IFT88: variants seen among roughly 807,000 people sequenced by gnomAD.
IFT88 encodes the protein intraflagellar transport 88, also known as intraflagellar transport protein 88 homolog.
A neutral mutation model predicts 119.5 loss-of-function variants in IFT88; 74 were observed. That is an observed-to-expected ratio of 0.62 (90% CI 0.51 to 0.75). The LOEUF is 0.75. Among genes scored for constraint, IFT88 ranks in the 30% least tolerant of loss-of-function variants. The pLI, the probability that IFT88 is intolerant of heterozygous loss-of-function variation, is 0.00. For synonymous variants in IFT88, 279 were observed against 316.7 expected (o/e 0.88, Z 1.26); for missense variants, 961 against 977.7 (o/e 0.98, Z 0.23).
intron 2 of IFT88, among the ~76,000 whole-genome samples, chr13:20,581,800 C>T (rs2038715736): frequency 6.7e-6 from 1 of 148,386 alleles, no homozygotes; most frequent in Admixed American, 6.8e-5. Flanking sequence ...CTGCGGTGAG[C>T]TGTGATCGCA....
chr13:20,687,717 G>A (rs1306609512), intron 24 of IFT88, among the ~76,000 whole-genome samples: 2 of 143,016 alleles, frequency 1.4e-5, no homozygotes, highest in African/African-American at 2.7e-5. Flanking sequence ...GATATGTTGC[G>A]TGTTAAAAAA....
intron 15 of IFT88, among the ~76,000 whole-genome samples, chr13:20,627,114 G>T (rs2047467722): frequency 6.6e-6 from 1 of 152,160 alleles, no homozygotes; most frequent in African/African-American, 2.4e-5. Flanking sequence ...CCATGGGGTG[G>T]TTCCATTGCA....
At chr13:20,647,021 G>C (rs1402983995) in intron 20 of IFT88, among the ~76,000 whole-genome samples, 1 of 152,086 alleles carries the variant, frequency 6.6e-6, no homozygotes, top group Non-Finnish European at 1.5e-5. Flanking sequence ...TGTGTGATAT[G>C]AGCACTGCTC....
intron 14 of IFT88, among the ~76,000 whole-genome samples, chr13:20,624,152 T>C (rs1207437639): frequency 6.6e-6 from 1 of 152,212 alleles, no homozygotes; most frequent in Admixed American, 6.5e-5. Context: ...AAAGAACATG[T>C]ATTCTGCTGT....
intron 1 of IFT88, among the ~76,000 whole-genome samples, chr13:20,572,321 C>T (rs908717864): frequency 1.2e-4 from 19 of 152,084 alleles, no homozygotes; most frequent in Middle Eastern, 3.4e-3. Flanking sequence ...TGGGTTCAAG[C>T]GATTCTCGTG....
rs1458987021 is a variant in IFT88 at position 20,597,637 on chromosome 13, G to A, written c.594+518G>A. Among the ~76,000 whole-genome samples, 10 of 151,896 alleles carry A rather than the reference G, an allele frequency of 6.6e-5. No homozygotes were observed. The East Asian group carries it at 1.6e-3, about 24-fold the overall frequency. The stretch of plus-strand genomic sequence containing the variant: ...CGGGCGCCTGTAGTCCCAGCTACTT[G>A]GGAGGCTGGAGCAGGAGAATGGCGT... On this transcript the variant is annotated intron_variant, in intron 9 of 25. Transcript: ENST00000351808.
chr13:20,674,806 C>T (rs1350613708), intron 24 of IFT88, among the ~76,000 whole-genome samples: 2 of 146,248 alleles, frequency 1.4e-5, no homozygotes, highest in Admixed American at 6.9e-5. Context: ...CTCCACCTCC[C>T]GGGTTCACAC....
chr13:20,670,472 G>A (rs1355851323), intron 23 of IFT88, among the ~76,000 whole-genome samples: 2 of 149,936 alleles, frequency 1.3e-5, no homozygotes, highest in Non-Finnish European at 3.0e-5. Context: ...TCTTTTGTGA[G>A]GTTTTAATCA....
At chr13:20,611,112 A>G (rs1478760756) in intron 13 of IFT88, among the ~76,000 whole-genome samples, 1 of 151,516 alleles carries the variant, frequency 6.6e-6, no homozygotes, top group African/African-American at 2.4e-5. Flanking sequence ...AATAATTAAT[A>G]ATAATAATAT....
intron 20 of IFT88, among the ~76,000 whole-genome samples, chr13:20,652,906 G>A (rs774873119): frequency 7.2e-5 from 11 of 152,170 alleles, no homozygotes; most frequent in South Asian, 6.2e-4. Context: ...TCTAGCAAAT[G>A]CAGGGGATAC....
chr13:20,605,997 G>A (rs1354258507), intron 13 of IFT88, among the ~76,000 whole-genome samples: 2 of 132,570 alleles, frequency 1.5e-5, no homozygotes. Flanking sequence ...GTCATTTAGG[G>A]TTTATATGTA....
chr13:20,579,577 G>A (rs1371598573), intron 2 of IFT88, among the ~76,000 whole-genome samples: 1 of 152,208 alleles, frequency 6.6e-6, no homozygotes, highest in Non-Finnish European at 1.5e-5. Flanking sequence ...GGTAGGTCCA[G>A]AAATGCTACC....
At chr13:20,598,505 C>A in intron 9 of IFT88, 146 bp from the exon 10 acceptor site, 1 of 485,580 alleles carries the variant, frequency 2.1e-6, no homozygotes. Context: ...CAAGATAATT[C>A]TTTTGTTTAC....
chr13:20,674,722 A>ATTTTTTT (rs1296479140), intron 24 of IFT88, among the ~76,000 whole-genome samples: 3 of 42,690 alleles, frequency 7.0e-5, no homozygotes, highest in East Asian at 3.9e-4. Context: ...ATATATATAT[A>ATTTTTTT]TATTTTTTTT....
chr13:20,673,809 C>T (rs1327858327), intron 24 of IFT88, among the ~76,000 whole-genome samples: 1 of 152,116 alleles, frequency 6.6e-6, no homozygotes, highest in Non-Finnish European at 1.5e-5. Flanking sequence ...CACAAATAGT[C>T]AGTTCTAGTG....
intron 17 of IFT88, 66 bp from the exon 18 acceptor site, chr13:20,641,224 T>C (rs1809192965): frequency 1.2e-6 from 1 of 834,792 alleles, no homozygotes; most frequent in African/African-American, 1.7e-5. Flanking sequence ...TTTATTCTGT[T>C]ATGTTAAATA....
chr13:20,631,107 G>GT lies in IFT88; in HGVS notation c.1386+12dup, dbSNP rs769655324. ...CTCTCAGCCCTGTATTATATGGTAAGTTTTTTTACTACTAAGAGTTAATCA... is the reference window on the plus strand; with the variant it reads ...CTCTCAGCCCTGTATTATATGGTAAGTTTTTTTTACTACTAAGAGTTAATCA... On this transcript the variant is annotated splice_donor_region_variant and intron_variant, in intron 16 of 25. Transcript: ENST00000351808. 57 of 1,546,766 alleles carry GT rather than the reference G, an allele frequency of 3.7e-5. No individual in the cohort carries two copies. The African/African-American group carries it at 4.1e-4, about 11-fold the overall frequency.
chr13:20,671,031 C>T lies in IFT88; in HGVS notation c.2234C>T (p.Ala745Val), dbSNP rs1347178523. 6.2e-7 allele frequency: 1 copy of T among 1,613,610 alleles called. No homozygotes were observed. Among genetic ancestry groups the T allele is most frequent in the East Asian group, 2.2e-5 (1 of 44,874 alleles). ...TCCCGTGGCAAAAGAGAAGGAAGTG[C>T]TAGCGGTGGTAAGTATTTTCTCTTT... Reference protein sequence around the residue: ...GGSRGKREGSASGDSGQNYSA... With the variant: ...GGSRGKREGSVSGDSGQNYSA... The change falls in exon 24 of 26, where the codon GCT becomes GTT. Residue 745 changes from alanine to valine, a missense_variant. Ala to Val is a moderately conservative substitution (Grantham distance 64). Coordinates refer to ENST00000351808, the MANE Select transcript of IFT88 (RefSeq NM_006531.5).
At chr13:20,568,145 C>G (rs926475845) in intron 1 of IFT88, 3 of 528,944 alleles carry the variant, frequency 5.7e-6, no homozygotes, top group Non-Finnish European at 1.0e-5. Context: ...TGTCCATAGT[C>G]AGTAGAAGAG....
Sources: allele counts gnomAD v4.1 joint callset (sites outside exome capture counted in the v4.1 genomes callset), GRCh38; gene constraint gnomAD v4.1.1; transcripts MANE v1.5; gene names NCBI Gene and HGNC (gene_info 2026-07-23, HGNC 2026-07-21).